The following WDR44 variants were observed in gnomAD, a reference collection of about 807,000 sequenced individuals.
WDR44 encodes the protein WD repeat domain 44.
A neutral mutation model predicts 65.7 loss-of-function variants in WDR44; 9 were observed. The ratio of observed to expected loss-of-function variants is 0.14; its 90% CI spans 0.08 to 0.24. The LOEUF is 0.24. WDR44 is among the 10% of genes least tolerant of loss of function. The probability of loss-of-function intolerance (pLI) is 1.00; values close to 1 mark genes in which losing one functional copy is unlikely to be tolerated. For synonymous variants in WDR44, 220 were observed against 235.2 expected (o/e 0.94, Z 0.59); for missense variants, 425 against 670.9 (o/e 0.63, Z 4.05).
At chrX:118,434,573 A>G (rs1299974646) in intron 13 of WDR44, among the ~76,000 whole-genome samples, 2 of 111,703 alleles carry the variant, frequency 1.8e-5, no homozygotes, top group Admixed American at 1.9e-4. Context: ...AACAAAAACA[A>G]TCCTTCACCA....
In WDR44 at chrX:118,381,754, G is replaced by T. The variant is rs1414231876; in HGVS notation, c.111+3302G>T. The stretch of plus-strand genomic sequence containing the variant: ...CACCCAGCTAATTTTTGTATTTTTA[G>T]TAGAGATGGGGTTTCACCATGTTGG... On this transcript the variant is annotated intron_variant, in intron 2 of 19. Coordinates refer to ENST00000254029, the MANE Select transcript of WDR44 (RefSeq NM_019045.5). Among the ~76,000 whole-genome samples, 2 of 108,000 alleles carry T rather than the reference G, an allele frequency of 1.9e-5. 1 individual carries two copies. Among genetic ancestry groups the T allele is most frequent in the South Asian group, 8.3e-4 (2 of 2,422 alleles). 93.8% of individuals were successfully genotyped at this position (108,000 alleles called of 115,157 possible). A position where few individuals can be genotyped will look rare whatever the true frequency, so the allele number is the denominator to read the frequency against.
At chrX:118,406,675 C>T (rs2056970908) in intron 9 of WDR44, among the ~76,000 whole-genome samples, 200 bp from the exon 10 acceptor site, 1 of 111,510 alleles carries the variant, frequency 9.0e-6, no homozygotes, top group South Asian at 3.7e-4. Context: ...TGCCTGTGGT[C>T]ACACAGATAA....
chrX:118,356,362 C>A (rs1194904542), intron 1 of WDR44, among the ~76,000 whole-genome samples: 1 of 104,370 alleles, frequency 9.6e-6, no homozygotes, highest in Non-Finnish European at 1.9e-5. Flanking sequence ...GTTTCAGTGC[C>A]GTGTCAAAAA....
intron 1 of WDR44, among the ~76,000 whole-genome samples, chrX:118,369,018 A>G (rs1412644843): frequency 3.8e-4 from 42 of 109,390 alleles, no homozygotes; most frequent in Non-Finnish European, 6.9e-4. Flanking sequence ...ATGAGCCACC[A>G]TGCCTGGCCA....
chrX:118,422,627 G>A (rs1204029878), intron 12 of WDR44, among the ~76,000 whole-genome samples: 2 of 107,829 alleles, frequency 1.9e-5, no homozygotes, highest in African/African-American at 6.8e-5. Flanking sequence ...GGAGGCGGAG[G>A]TTGCAGTGAG....
At chrX:118,364,271 G>T (rs905910868) in intron 1 of WDR44, among the ~76,000 whole-genome samples, 9 of 112,192 alleles carry the variant, frequency 8.0e-5, no homozygotes, top group African/African-American at 2.9e-4. Context: ...TTAGTGTTTA[G>T]TGTAAATTTA....
intron 2 of WDR44, among the ~76,000 whole-genome samples, chrX:118,383,646 T>C (rs1034372348): frequency 9.1e-6 from 1 of 109,618 alleles, no homozygotes; most frequent in Non-Finnish European, 1.9e-5. Flanking sequence ...TTATTTATTT[T>C]TTTCTTTTTT....
chrX:118,397,870 A>T (rs1430293678), intron 7 of WDR44, among the ~76,000 whole-genome samples: 2 of 112,402 alleles, frequency 1.8e-5, no homozygotes, highest in East Asian at 5.5e-4. Flanking sequence ...TACATGTTGT[A>T]CATTGAACCT....
At chrX:118,372,910 G>A (rs1602882162) in intron 1 of WDR44, among the ~76,000 whole-genome samples, 1 of 111,399 alleles carries the variant, frequency 9.0e-6, no homozygotes, top group African/African-American at 3.3e-5. Flanking sequence ...CCAATGTGGC[G>A]AAACCCCATC....
intron 10 of WDR44, among the ~76,000 whole-genome samples, chrX:118,408,462 A>T (rs2056986586): frequency 9.3e-6 from 1 of 107,373 alleles, no homozygotes; most frequent in African/African-American, 3.4e-5. Flanking sequence ...CAGGGGCGGG[A>T]TCTCAGCTCA....
chrX:118,387,199 AAAAAG>A, intron 2 of WDR44, 136 bp from the exon 3 acceptor site: 2 of 334,346 alleles, frequency 6.0e-6, no homozygotes, highest in East Asian at 5.3e-5. Flanking sequence ...AAAAAAAAAA[AAAAAG>A]AAGAAGAAGA....
rs1479554713 is a variant in WDR44, at chrX:118,378,496, C to A, written c.111+44C>A. ...AAGTTATGTTTTTAGAAATTGTATACTTTTTATTCGTGTTTTTGTGTAATT... is the reference window on the plus strand; with the variant it reads ...AAGTTATGTTTTTAGAAATTGTATAATTTTTATTCGTGTTTTTGTGTAATT... On this transcript the variant is annotated intron_variant, in intron 2 of 19. Coordinates refer to ENST00000254029, the MANE Select transcript of WDR44 (RefSeq NM_019045.5). 18 of 1,128,618 alleles carry A rather than the reference C, an allele frequency of 1.6e-5. No homozygotes were observed. In the East Asian group the frequency reaches 5.1e-4, roughly 32 times the overall value. 93.0% of individuals were successfully genotyped at this position (1,128,618 alleles called of 1,213,427 possible).
At chrX:118,404,208 C>A in intron 8 of WDR44, 130 bp from the exon 9 acceptor site, 1 of 448,172 alleles carries the variant, frequency 2.2e-6, no homozygotes, top group Non-Finnish European at 3.9e-6. Context: ...GGAACTCAAA[C>A]ACCTATTATT....
At chrX:118,354,285 G>A (rs942927665) in intron 1 of WDR44, among the ~76,000 whole-genome samples, 2 of 110,152 alleles carry the variant, frequency 1.8e-5, no homozygotes, top group Non-Finnish European at 3.8e-5. Context: ...GGACATGATG[G>A]TGCATGCCTA....
intron 13 of WDR44, 88 bp downstream of exon 13, chrX:118,432,982 A>G: frequency 1.1e-6 from 1 of 877,648 alleles, no homozygotes; most frequent in Non-Finnish European, 1.6e-6. Context: ...TCTCCGGGAA[A>G]CCTCAGTTTT....
chrX:118,418,907 G>C (rs1048485218), intron 12 of WDR44, among the ~76,000 whole-genome samples: 10 of 110,567 alleles, frequency 9.0e-5, no homozygotes, highest in African/African-American at 3.0e-4. Context: ...ATGAAGTTGC[G>C]TACCTAGGAA....
chrX:118,432,079 A>G (rs1017611216), intron 12 of WDR44, among the ~76,000 whole-genome samples: 1 of 112,138 alleles, frequency 8.9e-6, no homozygotes, highest in Non-Finnish European at 1.9e-5. Flanking sequence ...TTTGACTTCA[A>G]ATAACAGAAA....
At chrX:118,406,315 C>G (rs1462946956) in intron 9 of WDR44, among the ~76,000 whole-genome samples, 2 of 110,760 alleles carry the variant, frequency 1.8e-5, no homozygotes, top group African/African-American at 6.6e-5. Context: ...TCTGTAATCC[C>G]AACACTTTGG....
At chrX:118,371,299 G>A (rs1457727083) in intron 1 of WDR44, among the ~76,000 whole-genome samples, 1 of 111,643 alleles carries the variant, frequency 9.0e-6, no homozygotes, top group Non-Finnish European at 1.9e-5. Context: ...GGGGTTGGGG[G>A]AGTAGGGAGC....
Sources: gnomAD v4.1 joint callset for allele counts (sites outside exome capture counted in the v4.1 genomes callset) on GRCh38, gnomAD v4.1.1 for gene constraint, MANE v1.5 for transcripts, NCBI Gene and HGNC (gene_info 2026-07-23, HGNC 2026-07-21) for gene names.